TET1: variants seen among roughly 807,000 people sequenced by gnomAD.
The protein encoded by TET1 is tet methylcytosine dioxygenase 1.
A neutral mutation model predicts 148.7 loss-of-function variants in TET1; 13 were observed. That is an observed-to-expected ratio of 0.09 (90% CI 0.06 to 0.14). The LOEUF (loss-of-function observed/expected upper bound fraction) is 0.14, where lower values mean the gene tolerates loss of function less well. Among genes scored for constraint, TET1 ranks in the 10% least tolerant of loss-of-function variants. The pLI is 1.00. For synonymous variants in TET1, 907 were observed against 937.2 expected (o/e 0.97, Z 0.59); for missense variants, 2,182 against 2,553.8 (o/e 0.85, Z 3.14).
At chr10:68,680,902 C>A (rs1301943586) in intron 8 of TET1, among the ~76,000 whole-genome samples, 1 of 152,144 alleles carries the variant, frequency 6.6e-6, no homozygotes, top group Non-Finnish European at 1.5e-5. Flanking sequence ...GTTTCATGGG[C>A]CATAAGGACA....
chr10:68,615,021 G>A (rs533263427), intron 3 of TET1, among the ~76,000 whole-genome samples: 8 of 150,136 alleles, frequency 5.3e-5, no homozygotes, highest in South Asian at 2.1e-4. Context: ...TGCATCCTCC[G>A]TCTCCCAGGT....
At chr10:68,620,241 G>A (rs118166454) in intron 3 of TET1, among the ~76,000 whole-genome samples, 1,528 of 152,274 alleles carry the variant, frequency 0.01, 16 homozygotes, top group Middle Eastern at 0.034. Context: ...ATTCACCAAT[G>A]TGCATCTATC....
intron 6 of TET1, among the ~76,000 whole-genome samples, chr10:68,665,371 A>G (rs1157979029): frequency 1.3e-5 from 2 of 152,120 alleles, no homozygotes; most frequent in Non-Finnish European, 2.9e-5. Context: ...GGGAAAATTG[A>G]CGTAATTATA....
At chr10:68,671,079 A>G (rs1406246788) in intron 7 of TET1, among the ~76,000 whole-genome samples, 3 of 152,012 alleles carry the variant, frequency 2.0e-5, no homozygotes, top group Admixed American at 6.6e-5. Flanking sequence ...TCAGGAGTGC[A>G]TTTGCAGGTT....
chr10:68,661,789 C>T (rs944762753), intron 6 of TET1, among the ~76,000 whole-genome samples: 1 of 150,274 alleles, frequency 6.7e-6, no homozygotes, highest in South Asian at 2.1e-4. Context: ...CCAGCCAGAA[C>T]TTTTTTCTTT....
At chr10:68,642,863 C>T (rs962554819) in intron 3 of TET1, among the ~76,000 whole-genome samples, 2 of 152,072 alleles carry the variant, frequency 1.3e-5, no homozygotes, top group Non-Finnish European at 2.9e-5. Flanking sequence ...TCTAGGCCTC[C>T]CAAAGTGCTA....
At chr10:68,565,438 C>A (rs78547148) in intron 1 of TET1, among the ~76,000 whole-genome samples, 3,324 of 141,910 alleles carry the variant, frequency 0.023, 51 homozygotes, top group Middle Eastern at 0.062. Flanking sequence ...CCTTGATATA[C>A]CTGAGCGACA....
chr10:68,674,845 G>A (rs1216231570), intron 8 of TET1: 3 of 440,032 alleles, frequency 6.8e-6, no homozygotes, highest in Non-Finnish European at 1.3e-5. Flanking sequence ...GAGAGGTGCA[G>A]ACAAATTACT....
At chr10:68,626,494 C>T (rs1487016653) in intron 3 of TET1, among the ~76,000 whole-genome samples, 1 of 151,062 alleles carries the variant, frequency 6.6e-6, no homozygotes, top group Non-Finnish European at 1.5e-5. Context: ...AGCAACTGCA[C>T]CTGGCCTAGA....
At chr10:68,561,806 T>TAATC (rs1216392062) in intron 1 of TET1, among the ~76,000 whole-genome samples, 1 of 150,190 alleles carries the variant, frequency 6.7e-6, no homozygotes, top group African/African-American at 2.5e-5. Context: ...CCGACGCTGG[T>TAATC]AATCTTTCCA....
rs760025077 is a variant in TET1, at chr10:68,573,046, C to T, written c.708C>T (p.Thr236=). The change falls in exon 2 of 12, where the codon ACC becomes ACT. Residue 236 remains threonine, a synonymous_variant. Transcript: ENST00000373644. ...TCTCTGAAGAGACATTGAATGATAC[C>T]AGTGGTTCCCCAAAAATGTTTGCTC... ...GLFSEETLND[T]SGSPKMFAQD... is the part of the protein sequence containing the mutation. 1.2e-6 allele frequency: 2 copies of T among 1,614,082 alleles called. No individual in the cohort carries two copies. Among genetic ancestry groups the T allele is most frequent in the Non-Finnish European group, 1.7e-6 (2 of 1,180,004 alleles).
chr10:68,571,723 C>T lies in TET1; in HGVS notation c.-122-494C>T, dbSNP rs372749785. Reference sequence around the variant, plus strand: ...ACTGTTTTTATGAGTTGGAGTCTGCCTATGTAGCCCAAGCTGGTCTTGAAC... The same window carrying T: ...ACTGTTTTTATGAGTTGGAGTCTGCTTATGTAGCCCAAGCTGGTCTTGAAC... On this transcript the variant is annotated intron_variant, in intron 1 of 11. Transcript: ENST00000373644. 3.3e-3 allele frequency among the ~76,000 whole-genome samples: 508 copies of T among 152,216 alleles called. 4 individuals carry two copies. The highest frequency in any genetic ancestry group is 0.012 in the African/African-American group (484 of 41,540).
intron 6 of TET1, among the ~76,000 whole-genome samples, chr10:68,654,216 G>T (rs879623859): frequency 6.6e-6 from 1 of 151,908 alleles, no homozygotes; most frequent in Non-Finnish European, 1.5e-5. Context: ...AGTAGGCAGA[G>T]GATAAGCAGG....
At chr10:68,661,880 CTT>C (rs56047246) in intron 6 of TET1, among the ~76,000 whole-genome samples, 68,066 of 110,900 alleles carry the variant, frequency 0.61, 19,315 homozygotes, top group East Asian at 0.74. Flanking sequence ...AATTTTTTTT[CTT>C]TTTTTTTTTT....
At chr10:68,644,144 C>A (rs1259008505) in intron 3 of TET1, among the ~76,000 whole-genome samples, 1 of 151,716 alleles carries the variant, frequency 6.6e-6, no homozygotes, top group East Asian at 2.0e-4. Flanking sequence ...ACCTTGTGAT[C>A]CGCCCACCTT....
chr10:68,646,585 G>A lies in TET1; in HGVS notation c.3856G>A (p.Val1286Ile). 6.2e-7 allele frequency: 1 copy of A among 1,614,108 alleles called. No homozygotes were observed. The highest frequency in any genetic ancestry group is 8.5e-7 in the Non-Finnish European group (1 of 1,180,034). Reference sequence around the variant, plus strand: ...CACTGATAAAGCTTATAATTCTCAGGTACAGTTAACGGTGAATGCCAATCA... The same window carrying A: ...CACTGATAAAGCTTATAATTCTCAGATACAGTTAACGGTGAATGCCAATCA... ...AFTDKAYNSQ[V>I]QLTVNANQKA... Residue 1286 changes from valine to isoleucine, a missense_variant, in exon 4 of 12, where the codon GTA (valine) becomes ATA (isoleucine). Transcript: ENST00000373644.
At chr10:68,581,142 T>C (rs2053792777) in intron 2 of TET1, among the ~76,000 whole-genome samples, 1 of 152,192 alleles carries the variant, frequency 6.6e-6, no homozygotes, top group East Asian at 1.9e-4. Context: ...ATAGATTACA[T>C]TGTAGTCTCC....
chr10:68,641,137 C>T (rs148768028), intron 3 of TET1, among the ~76,000 whole-genome samples: 5 of 151,490 alleles, frequency 3.3e-5, no homozygotes, highest in South Asian at 4.2e-4. Flanking sequence ...AAAAGTTCGC[C>T]GAACCTTGGT....
At chr10:68,614,991 G>A (rs1159469745) in intron 3 of TET1, among the ~76,000 whole-genome samples, 3 of 151,146 alleles carry the variant, frequency 2.0e-5, no homozygotes, top group South Asian at 4.2e-4. Flanking sequence ...GCACTCCAAC[G>A]TGGTGTGATA....
Sources: allele counts gnomAD v4.1 joint callset (sites outside exome capture counted in the v4.1 genomes callset), GRCh38; gene constraint gnomAD v4.1.1; transcripts MANE v1.5; gene names NCBI Gene and HGNC (gene_info 2026-07-23, HGNC 2026-07-21).